Variants in ST18 observed in about 807,000 individuals in gnomAD.
ST18 encodes the protein ST18 C2H2C-type zinc finger transcription factor.
A neutral mutation model predicts 110.0 loss-of-function variants in ST18; 50 were observed. That is an observed-to-expected ratio of 0.45 (90% CI 0.36 to 0.58). The LOEUF is 0.58. ST18 is among the 20% of genes least tolerant of loss of function. The pLI, the probability that ST18 is intolerant of heterozygous loss-of-function variation, is 0.00. For synonymous variants in ST18, 461 were observed against 452.4 expected (o/e 1.02, Z -0.24); for missense variants, 1,306 against 1,280.1 (o/e 1.02, Z -0.31).
At chr8:52,385,578 C>A (rs1038012864) in intron 2 of ST18, among the ~76,000 whole-genome samples, 15 of 137,798 alleles carry the variant, frequency 1.1e-4, no homozygotes, top group African/African-American at 2.8e-4. Context: ...CCAGCCTGGG[C>A]GACAGCAAGA....
intron 2 of ST18, among the ~76,000 whole-genome samples, chr8:52,233,104 TAAA>T (rs1274695562): frequency 1.3e-5 from 2 of 152,144 alleles, no homozygotes; most frequent in African/African-American, 4.8e-5. Context: ...ATATCACAAA[TAAA>T]AAAATTTGAT....
intron 8 of ST18, among the ~76,000 whole-genome samples, chr8:52,185,178 A>T (rs926896752): frequency 7.9e-5 from 12 of 152,192 alleles, no homozygotes; most frequent in Admixed American, 5.9e-4. Context: ...AAATTAAAAA[A>T]CATTTACAAT....
At chr8:52,152,155 A>C (rs1344550858) in intron 15 of ST18, among the ~76,000 whole-genome samples, 1 of 152,202 alleles carries the variant, frequency 6.6e-6, no homozygotes, top group Non-Finnish European at 1.5e-5. Flanking sequence ...CGGGCGGCTC[A>C]CTGGGGAGCA....
intron 2 of ST18, among the ~76,000 whole-genome samples, chr8:52,348,450 A>C (rs1304776189): frequency 2.0e-5 from 3 of 152,240 alleles, no homozygotes; most frequent in Non-Finnish European, 2.9e-5. Flanking sequence ...TTTATCTGAC[A>C]GATAAAACTG....
rs571342921 is a variant in ST18 at position 52,269,797 on chromosome 8, G to A, written c.-464-39720C>T. Among the ~76,000 whole-genome samples the A allele has an allele frequency of 2.6e-5, 4 of 152,294 alleles. No homozygotes were observed. In the East Asian group the frequency reaches 7.7e-4, roughly 29 times the overall value. On this transcript the variant is annotated intron_variant, in intron 2 of 25. Transcript: ENST00000689386. ...CAGATGAGGAAGTTGATAGAAGTTGGCATGGGCCCAGTTTACTAGGCTGTA... is the reference window on the plus strand; with the variant it reads ...CAGATGAGGAAGTTGATAGAAGTTGACATGGGCCCAGTTTACTAGGCTGTA...
intron 2 of ST18, among the ~76,000 whole-genome samples, chr8:52,291,936 C>T (rs566741739): frequency 3.2e-4 from 48 of 152,134 alleles, no homozygotes; most frequent in East Asian, 1.2e-3. Flanking sequence ...CCATCACACC[C>T]GGCTAATTTT....
At chr8:52,214,390 T>C in intron 6 of ST18, 133 bp from the exon 7 acceptor site, 1 of 835,642 alleles carries the variant, frequency 1.2e-6, no homozygotes, top group Non-Finnish European at 1.9e-6. Context: ...AGCCCGGCTC[T>C]ATAGTACATA....
At chr8:52,330,528 G>A (rs111858135) in intron 2 of ST18, among the ~76,000 whole-genome samples, 2 of 148,156 alleles carry the variant, frequency 1.3e-5, no homozygotes, top group African/African-American at 5.1e-5. Context: ...AAAATAAATG[G>A]TGGGCCCAGG....
chr8:52,213,237 G>A (rs1003378043), intron 7 of ST18, among the ~76,000 whole-genome samples: 21 of 152,096 alleles, frequency 1.4e-4, no homozygotes, highest in Non-Finnish European at 2.9e-5. Context: ...TGGTTATATT[G>A]TAACTGAAAA....
At chr8:52,191,416 C>T (rs1275551361) in intron 8 of ST18, among the ~76,000 whole-genome samples, 1 of 152,130 alleles carries the variant, frequency 6.6e-6, no homozygotes, top group African/African-American at 2.4e-5. Flanking sequence ...GGCCCAGAAA[C>T]AATCCATCAT....
intron 2 of ST18, among the ~76,000 whole-genome samples, chr8:52,308,394 C>CA (rs1176607367): frequency 1.3e-5 from 2 of 152,162 alleles, no homozygotes; most frequent in Non-Finnish European, 2.9e-5. Flanking sequence ...GCAGTACAGA[C>CA]AATTCTATTG....
intron 2 of ST18, among the ~76,000 whole-genome samples, chr8:52,238,816 G>A (rs1480988700): frequency 1.5e-5 from 2 of 137,870 alleles, no homozygotes; most frequent in Non-Finnish European, 3.1e-5. Flanking sequence ...GTATGCACAT[G>A]GACATGGAAA....
At chr8:52,205,468 T>C (rs2079621929) in intron 8 of ST18, among the ~76,000 whole-genome samples, 1 of 152,198 alleles carries the variant, frequency 6.6e-6, no homozygotes, top group South Asian at 2.1e-4. Context: ...CTAGATATTT[T>C]AACATCTACT....
chr8:52,172,841 CTAT>C (rs1184088080), intron 9 of ST18, among the ~76,000 whole-genome samples: 1 of 152,056 alleles, frequency 6.6e-6, no homozygotes, highest in Non-Finnish European at 1.5e-5. Flanking sequence ...AAGAAATGAG[CTAT>C]TATAATTTCC....
At chr8:52,342,225 C>T (rs1815378145) in intron 2 of ST18, among the ~76,000 whole-genome samples, 1 of 152,062 alleles carries the variant, frequency 6.6e-6, no homozygotes, top group Non-Finnish European at 1.5e-5. Context: ...ACAATTTTTA[C>T]TTGTCAATTT....
chr8:52,203,983 C>T (rs1483410060), intron 8 of ST18, among the ~76,000 whole-genome samples: 2 of 152,210 alleles, frequency 1.3e-5, no homozygotes, highest in Non-Finnish European at 2.9e-5. Flanking sequence ...GTTATAGAGT[C>T]ATCTCTGGAA....
rs191696150 is a variant in ST18, at chr8:52,266,570, C to A, written c.-464-36493G>T. Among the ~76,000 whole-genome samples the A allele has an allele frequency of 3.5e-5, 5 of 141,640 alleles. No homozygotes were observed. The East Asian group carries it at 8.1e-4, about 23-fold the overall frequency. 92.9% of individuals were successfully genotyped at this position (141,640 alleles called of 152,430 possible). On this transcript the variant is annotated intron_variant, in intron 2 of 25. Transcript: ENST00000689386. The stretch of plus-strand genomic sequence containing the variant: ...TTTTTTTTTTTTTTTGAGACAGAGT[C>A]TCACTCTGTTGCCCAGGCTGGAGTG...
intron 8 of ST18, among the ~76,000 whole-genome samples, chr8:52,186,061 C>T (rs562402244): frequency 6.6e-6 from 1 of 152,164 alleles, no homozygotes; most frequent in Non-Finnish European, 1.5e-5. Flanking sequence ...AGCCATGAGC[C>T]CCGCTTCTTG....
At chr8:52,339,990 A>G (rs984007238) in intron 2 of ST18, among the ~76,000 whole-genome samples, 4 of 152,218 alleles carry the variant, frequency 2.6e-5, no homozygotes, top group African/African-American at 9.6e-5. Context: ...TTAACCCTGG[A>G]TTAATTTTGC....
Sources: gnomAD v4.1 joint callset for allele counts (sites outside exome capture counted in the v4.1 genomes callset) on GRCh38, gnomAD v4.1.1 for gene constraint, MANE v1.5 for transcripts, NCBI Gene and HGNC (gene_info 2026-07-23, HGNC 2026-07-21) for gene names.